Variants in IQCH observed in about 807,000 individuals in gnomAD.
The protein encoded by IQCH is IQ domain-containing protein H.
Under a neutral mutation model 117.0 loss-of-function variants are expected in IQCH, and 98 were observed. The observed-to-expected ratio is 0.84, with a 90% CI of 0.71 to 0.99. IQCH has a LOEUF of 0.99. IQCH is among the 50% of genes least tolerant of loss of function. The probability of loss-of-function intolerance (pLI) is 0.00; values close to 1 mark genes in which losing one functional copy is unlikely to be tolerated. For missense variants in IQCH, 1,102 were observed against 1,243.8 expected, an observed-to-expected ratio of 0.89 and a Z score of 1.72; for synonymous variants, 412 against 448.2, an observed-to-expected ratio of 0.92 and a Z score of 1.02.
At chr15:67,300,385 G>T (rs1428957196) in intron 4 of IQCH, among the ~76,000 whole-genome samples, 1 of 152,078 alleles carries the variant, frequency 6.6e-6, no homozygotes, top group Admixed American at 6.6e-5. Context: ...GAAGCTAAGG[G>T]TTACTACCCA....
rs919564943 is a variant in IQCH, at chr15:67,493,706, C to A, written c.2862-552C>A. Among the ~76,000 whole-genome samples the A allele has an allele frequency of 2.0e-5, 3 of 152,144 alleles. No individual in the cohort carries two copies. Among genetic ancestry groups the A allele is most frequent in the Non-Finnish European group, 4.4e-5 (3 of 68,022 alleles). On this transcript the variant is annotated intron_variant, in intron 19 of 20. Transcript: ENST00000335894. This position sits in a 1 kb window ranked among gnomAD's most constrained non-coding sequence, Gnocchi z 5.1. ...TAAGTTATAGGGTACATGTGCACAA[C>A]GTGCAGGTTTGTTACATATGTATCC...
chr15:67,401,290 A>G lies in IQCH; in HGVS notation c.2097+985A>G, dbSNP rs1303644628. 6.6e-6 allele frequency among the ~76,000 whole-genome samples: 1 copy of G among 152,206 alleles called. No homozygotes were observed. Among genetic ancestry groups the G allele is most frequent in the East Asian group, 1.9e-4 (1 of 5,200 alleles). On this transcript the variant is annotated intron_variant, in intron 14 of 20. Coordinates refer to ENST00000335894, the MANE Select transcript of IQCH (RefSeq NM_001031715.3). The surrounding 1 kb of genome is among the most constrained non-coding windows in gnomAD (Gnocchi z 4.7). ...AATTAAAGTAATTTTATATGGTTTAATATATAAATTAAACCTGCCATTCTA... is the reference window on the plus strand; with the variant it reads ...AATTAAAGTAATTTTATATGGTTTAGTATATAAATTAAACCTGCCATTCTA...
At position 67,465,777 on chromosome 15, in the gene IQCH, C is replaced by T. The variant is rs1163464688; in HGVS notation, c.2676+480C>T. On this transcript the variant is annotated intron_variant, in intron 17 of 20. Coordinates refer to ENST00000335894, the MANE Select transcript of IQCH (RefSeq NM_001031715.3). This position sits in a 1 kb window ranked among gnomAD's most constrained non-coding sequence, Gnocchi z 5.9. The stretch of plus-strand genomic sequence containing the variant: ...AGGCCAGAGGCTGATAAGATAACCC[C>T]CAGCCCCACATCCAGTCAGCAAGCA... Among the ~76,000 whole-genome samples the T allele has an allele frequency of 2.6e-5, 4 of 152,122 alleles. No individual in the cohort carries two copies. The highest frequency in any genetic ancestry group is 9.7e-5 in the African/African-American group (4 of 41,416).
intron 1 of IQCH, among the ~76,000 whole-genome samples, chr15:67,260,869 G>A (rs1422488991): frequency 6.6e-6 from 1 of 151,998 alleles, no homozygotes; most frequent in Non-Finnish European, 1.5e-5. Flanking sequence ...AGGCCGAGGT[G>A]GGAAGATCAT....
At chr15:67,410,056 G>T (rs2081408081) in intron 14 of IQCH, among the ~76,000 whole-genome samples, 1 of 152,136 alleles carries the variant, frequency 6.6e-6, no homozygotes, top group African/African-American at 2.4e-5. Context: ...TGATGGAAAG[G>T]AATGAGTGGA....
At chr15:67,492,442 C>A (rs935840151) in intron 19 of IQCH, among the ~76,000 whole-genome samples, 1 of 152,136 alleles carries the variant, frequency 6.6e-6, no homozygotes, top group Non-Finnish European at 1.5e-5. Flanking sequence ...GAAGAGCAAT[C>A]AGACAGGCCA....
At chr15:67,345,177 G>C (rs1330449695) in intron 6 of IQCH, among the ~76,000 whole-genome samples, 2 of 152,122 alleles carry the variant, frequency 1.3e-5, no homozygotes, top group Non-Finnish European at 2.9e-5. Flanking sequence ...TTTTAGTAGA[G>C]ATGAGGTTTC....
rs1381926438 is a variant in IQCH at position 67,413,737 on chromosome 15, T to C, written c.2098-3194T>C. Among the ~76,000 whole-genome samples, 1 of 152,236 alleles carries C rather than the reference T, an allele frequency of 6.6e-6. No homozygotes were observed. Among genetic ancestry groups the C allele is most frequent in the Non-Finnish European group, 1.5e-5 (1 of 68,048 alleles). ...GAATCATGGCCCCAAGCTGCCTCTG[T>C]GTGCCCCAGCATCCCTACTGAATGT... On this transcript the variant is annotated intron_variant, in intron 14 of 20. Coordinates refer to ENST00000335894, the MANE Select transcript of IQCH (RefSeq NM_001031715.3). This position sits in a 1 kb window ranked among gnomAD's most constrained non-coding sequence, Gnocchi z 5.0.
At chr15:67,346,327 ATAC>A (rs1327785722) in intron 6 of IQCH, among the ~76,000 whole-genome samples, 1 of 152,052 alleles carries the variant, frequency 6.6e-6, no homozygotes, top group Non-Finnish European at 1.5e-5. Context: ...CCCCAAAAAA[ATAC>A]TATAGAACAG....
chr15:67,362,273 T>C (rs1970168999), intron 8 of IQCH, among the ~76,000 whole-genome samples: 1 of 151,906 alleles, frequency 6.6e-6, no homozygotes, highest in Admixed American at 6.6e-5. Flanking sequence ...TGTTTAAAAC[T>C]TTTCCAAAAC....
At chr15:67,328,371 T>C (rs1378488423) in intron 4 of IQCH, among the ~76,000 whole-genome samples, 1 of 152,222 alleles carries the variant, frequency 6.6e-6, no homozygotes, top group African/African-American at 2.4e-5. Flanking sequence ...TTTGCTCTTT[T>C]TCTTCTTCAG....
rs555808567 is a variant in IQCH, at chr15:67,489,890, C to T, written c.2800-113C>T. On this transcript the variant is annotated intron_variant, in intron 18 of 20. Coordinates refer to ENST00000335894, the MANE Select transcript of IQCH (RefSeq NM_001031715.3). ...GTGTTCTCATAATATCTGAAGGTAGCTCTAGATTTCAAATCAAATCAATCT... is the reference window on the plus strand; with the variant it reads ...GTGTTCTCATAATATCTGAAGGTAGTTCTAGATTTCAAATCAAATCAATCT... The T allele has an allele frequency of 3.5e-5, 28 of 803,090 alleles. No individual in the cohort carries two copies. The Admixed American group carries it at 3.8e-4, about 11-fold the overall frequency. 49.7% of individuals were successfully genotyped at this position (803,090 alleles called of 1,614,324 possible).
rs2083341921 is a variant in IQCH at position 67,481,675 on chromosome 15, A to C, written c.2799+5857A>C. Among the ~76,000 whole-genome samples the C allele has an allele frequency of 6.6e-6, 1 of 152,204 alleles. No individual in the cohort carries two copies. The highest frequency in any genetic ancestry group is 2.4e-5 in the African/African-American group (1 of 41,452). On this transcript the variant is annotated intron_variant, in intron 18 of 20. Transcript: ENST00000335894. The surrounding 1 kb of genome is among the most constrained non-coding windows in gnomAD (Gnocchi z 4.1). The stretch of plus-strand genomic sequence containing the variant: ...AAGCCTCATAGGCTTAAGATAACTG[A>C]AATTAAGAGAGAGGCATAGAAGCAA...
rs1249274802 is a variant in IQCH at position 67,421,582 on chromosome 15, G to A, written c.2505+5G>A. ...CCAAGCACCTTGGAACAACAGGTAA[G>A]TTGAATGGATGCCATACGAAATGCT... On this transcript the variant is annotated splice_donor_5th_base_variant and intron_variant, in intron 16 of 20. Transcript: ENST00000335894. 6.2e-7 allele frequency: 1 copy of A among 1,613,820 alleles called. No individual in the cohort carries two copies. Among genetic ancestry groups the A allele is most frequent in the South Asian group, 1.1e-5 (1 of 91,080 alleles).
intron 10 of IQCH, among the ~76,000 whole-genome samples, chr15:67,378,790 T>C (rs1042332910): frequency 6.6e-6 from 1 of 152,102 alleles, no homozygotes; most frequent in Non-Finnish European, 1.5e-5. Flanking sequence ...TATTAGGATA[T>C]GCTGTAGAAG....
At chr15:67,435,868 C>CT (rs1301769966) in intron 16 of IQCH, among the ~76,000 whole-genome samples, 2 of 148,066 alleles carry the variant, frequency 1.4e-5, no homozygotes, top group African/African-American at 2.5e-5. Flanking sequence ...AAGACCCTGT[C>CT]TAAAAAAAAA....
rs145319171 is a variant in IQCH at position 67,433,998 on chromosome 15, A to G, written c.2505+12421A>G. Among the ~76,000 whole-genome samples the G allele has an allele frequency of 3.2e-3, 491 of 152,332 alleles. 1 individual carries two copies. The highest frequency in any genetic ancestry group is 5.4e-3 in the Non-Finnish European group (370 of 68,038). The stretch of plus-strand genomic sequence containing the variant: ...ATTTTTATTTAAGGTGTACAACATG[A>G]TATTTCAATATAATATACCTTGTGA... On this transcript the variant is annotated intron_variant, in intron 16 of 20. Transcript: ENST00000335894. The surrounding 1 kb of genome is among the most constrained non-coding windows in gnomAD (Gnocchi z 5.4).
Position 67,445,490 on chromosome 15 carries a change from T to C in IQCH, c.2506-19637T>C, listed in dbSNP as rs893840306. ...AGTCTTGCTCTGTCGCCAGGCTGGATTGCAGTGGTGCAATCTCAGCTCACT... is the reference window on the plus strand; with the variant it reads ...AGTCTTGCTCTGTCGCCAGGCTGGACTGCAGTGGTGCAATCTCAGCTCACT... On this transcript the variant is annotated intron_variant, in intron 16 of 20. Coordinates refer to ENST00000335894, the MANE Select transcript of IQCH (RefSeq NM_001031715.3). This position sits in a 1 kb window ranked among gnomAD's most constrained non-coding sequence, Gnocchi z 4.3. 3.3e-5 allele frequency among the ~76,000 whole-genome samples: 5 copies of C among 152,128 alleles called. No individual in the cohort carries two copies. Among genetic ancestry groups the C allele is most frequent in the African/African-American group, 9.7e-5 (4 of 41,410 alleles).
chr15:67,374,962 A>G lies in IQCH; in HGVS notation c.1372+1529A>G, dbSNP rs542314581. Among the ~76,000 whole-genome samples the G allele has an allele frequency of 9.2e-5, 14 of 152,316 alleles. No individual in the cohort carries two copies. In the East Asian group the frequency reaches 2.5e-3, roughly 27 times the overall value. Reference sequence around the variant, plus strand: ...GGCCCCCCACTTTGCAAAGTTGCTTAGCACAAAGGTGTGATAGACACAAAC... The same window carrying G: ...GGCCCCCCACTTTGCAAAGTTGCTTGGCACAAAGGTGTGATAGACACAAAC... On this transcript the variant is annotated intron_variant, in intron 10 of 20. Transcript: ENST00000335894.
Sources: allele counts gnomAD v4.1 joint callset (sites outside exome capture counted in the v4.1 genomes callset), GRCh38; gene constraint gnomAD v4.1.1; non-coding constraint Gnocchi (gnomAD v3.1); transcripts MANE v1.5; gene names NCBI Gene and HGNC (gene_info 2026-07-23, HGNC 2026-07-21).